Variants in CDH2 observed in about 807,000 individuals in gnomAD.
CDH2 encodes cadherin-2.
In CDH2, 17 loss-of-function variants were observed where a neutral mutation model predicts 92.0. That is an observed-to-expected ratio of 0.18 (90% CI 0.13 to 0.28). The LOEUF (loss-of-function observed/expected upper bound fraction) is 0.28. CDH2 is among the 10% of genes least tolerant of loss of function. The pLI, the probability that CDH2 is intolerant of heterozygous loss-of-function variation, is 1.00. For synonymous variants in CDH2, 419 were observed against 415.9 expected (o/e 1.01, Z -0.09); for missense variants, 862 against 1,133.1 (o/e 0.76, Z 3.44).
At position 28,090,664 on chromosome 18, in the gene CDH2, C is replaced by T. The variant is rs536369295; in HGVS notation, c.172+57009G>A. Among the ~76,000 whole-genome samples, 13 of 152,262 alleles carry T rather than the reference C, an allele frequency of 8.5e-5. No homozygotes were observed. In the East Asian group the frequency reaches 2.1e-3, roughly 25 times the overall value. On this transcript the variant is annotated intron_variant, in intron 2 of 15. Transcript: ENST00000269141. ...GTATTCCAGCAAACTGGTGGCAATG[C>T]TATAAATGCTCTCCCTTTCCAACCT...
intron 2 of CDH2, among the ~76,000 whole-genome samples, chr18:28,142,751 T>C (rs758024218): frequency 9.2e-5 from 14 of 151,988 alleles, no homozygotes; most frequent in Admixed American, 2.0e-4. Context: ...ATTAACAAGA[T>C]GTTTATAAAC....
chr18:27,983,198 C>A, intron 13 of CDH2, 115 bp from the exon 14 acceptor site: 2 of 679,692 alleles, frequency 2.9e-6, no homozygotes, highest in Admixed American at 3.0e-5. Flanking sequence ...GCCTGAAATG[C>A]GTCTTTCACT....
At chr18:28,067,229 T>C (rs142885488) in intron 2 of CDH2, among the ~76,000 whole-genome samples, 2 of 152,332 alleles carry the variant, frequency 1.3e-5, no homozygotes, top group Non-Finnish European at 2.9e-5. Flanking sequence ...AATTCACATA[T>C]ACAATTCACT....
At chr18:28,085,649 A>G (rs568472156) in intron 2 of CDH2, among the ~76,000 whole-genome samples, 6 of 152,238 alleles carry the variant, frequency 3.9e-5, no homozygotes, top group Non-Finnish European at 7.4e-5. Flanking sequence ...CTTTGTACTG[A>G]CTGACATTGT....
intron 9 of CDH2, among the ~76,000 whole-genome samples, chr18:27,992,087 A>C (rs1425625296): frequency 6.6e-6 from 1 of 152,208 alleles, no homozygotes; most frequent in Non-Finnish European, 1.5e-5. Context: ...CAGCCATGCA[A>C]ATGCAAGAGC....
chr18:28,027,353 T>A (rs996869077), intron 2 of CDH2, among the ~76,000 whole-genome samples: 1 of 152,170 alleles, frequency 6.6e-6, no homozygotes, highest in Non-Finnish European at 1.5e-5. Context: ...GTATTGATAT[T>A]TCCCTACCAA....
intron 6 of CDH2, among the ~76,000 whole-genome samples, chr18:27,937,716 AT>A (rs1909050121): frequency 6.6e-6 from 1 of 152,238 alleles, no homozygotes; most frequent in African/African-American, 2.4e-5. Context: ...TAGGAACTAC[AT>A]TTCAAGCTTT....
rs147463415 is a variant in CDH2, at chr18:28,073,665, G to T, written c.173-59756C>A. ...ATGATGTATGAGAAGCATTTGGACT[G>T]GTACCTGGTAAACAGATATGTTAAA... On this transcript the variant is annotated intron_variant, in intron 2 of 15. Transcript: ENST00000269141. Among the ~76,000 whole-genome samples, 235 of 152,206 alleles carry T rather than the reference G, an allele frequency of 1.5e-3. 1 individual carries two copies. The highest frequency in any genetic ancestry group is 5.4e-3 in the African/African-American group (224 of 41,534).
At chr18:27,986,079 A>G (rs2012223968) in intron 11 of CDH2, among the ~76,000 whole-genome samples, 1 of 152,126 alleles carries the variant, frequency 6.6e-6, no homozygotes, top group African/African-American at 2.4e-5. Flanking sequence ...ATGCTCCTCC[A>G]GGCACTGTGA....
At chr18:28,065,882 A>C (rs930339472) in intron 2 of CDH2, among the ~76,000 whole-genome samples, 1 of 152,288 alleles carries the variant, frequency 6.6e-6, no homozygotes, top group African/African-American at 2.4e-5. Flanking sequence ...AGGGGTTCTA[A>C]GAAGACCACA....
intron 14 of CDH2, among the ~76,000 whole-genome samples, chr18:27,971,899 A>G (rs1476491598): frequency 1.3e-5 from 2 of 152,196 alleles, no homozygotes; most frequent in African/African-American, 4.8e-5. Flanking sequence ...CGATTATTTC[A>G]AGCAATCAAA....
At chr18:28,139,621 T>C (rs528425737) in intron 2 of CDH2, among the ~76,000 whole-genome samples, 1 of 152,052 alleles carries the variant, frequency 6.6e-6, no homozygotes, top group East Asian at 1.9e-4. Flanking sequence ...AGATGATCAC[T>C]CCTTTCCTTT....
chr18:28,109,002 G>A (rs2015367580), intron 2 of CDH2, among the ~76,000 whole-genome samples: 2 of 151,996 alleles, frequency 1.3e-5, no homozygotes, highest in African/African-American at 4.8e-5. Context: ...ACACAACAGC[G>A]CCTTCTCCAG....
chr18:28,134,526 T>C (rs2015829540), intron 2 of CDH2, among the ~76,000 whole-genome samples: 1 of 152,056 alleles, frequency 6.6e-6, no homozygotes, highest in Non-Finnish European at 1.5e-5. Context: ...CTGGGCAACA[T>C]GGCATAAACC....
chr18:28,094,028 T>C (rs780334683), intron 2 of CDH2, among the ~76,000 whole-genome samples: 15 of 152,302 alleles, frequency 9.8e-5, no homozygotes, highest in South Asian at 2.1e-4. Context: ...ATTAAAAACT[T>C]AGACTCAAAT....
chr18:28,045,701 A>C (rs1433273833), intron 2 of CDH2: 1 of 210,634 alleles, frequency 4.7e-6, no homozygotes, highest in Non-Finnish European at 9.7e-6. Context: ...TGTACTCTTT[A>C]AATGCTTCCA....
intron 2 of CDH2, among the ~76,000 whole-genome samples, chr18:28,106,142 T>C (rs964546856): frequency 2.6e-5 from 4 of 152,204 alleles, no homozygotes; most frequent in African/African-American, 9.6e-5. Flanking sequence ...TCTGGCCGGG[T>C]GCAGTGGCTT....
chr18:28,058,261 T>C (rs964910839), intron 2 of CDH2, among the ~76,000 whole-genome samples: 8 of 152,186 alleles, frequency 5.3e-5, no homozygotes, highest in African/African-American at 1.4e-4. Flanking sequence ...TCATAATCCA[T>C]TGATGACAAT....
Position 27,952,024 on chromosome 18 carries a change from C to T in CDH2, c.*129G>A. The T allele has an allele frequency of 1.3e-6, 1 of 787,362 alleles. No homozygotes were observed. Among genetic ancestry groups the T allele is most frequent in the Non-Finnish European group, 2.1e-6 (1 of 470,240 alleles). 48.8% of individuals were successfully genotyped at this position (787,362 alleles called of 1,614,324 possible). A position where few individuals can be genotyped will look rare whatever the true frequency, so the allele number is the denominator to read the frequency against. ...CCTCTGAGCCCAAATTGGTTTGCAG[C>T]CTATGCCAAAGCCTCCAGCAAGCAC... On this transcript the variant is annotated 3_prime_UTR_variant, in exon 16 of 16. Transcript: ENST00000269141.
Sources: allele counts gnomAD v4.1 joint callset (sites outside exome capture counted in the v4.1 genomes callset), GRCh38; gene constraint gnomAD v4.1.1; transcripts MANE v1.5; gene names NCBI Gene and HGNC (gene_info 2026-07-23, HGNC 2026-07-21).